Variants in STARD13 observed in about 807,000 individuals in gnomAD.
STARD13 encodes stAR-related lipid transfer protein 13.
STARD13 carries 62 observed loss-of-function variants against 106.4 expected under a neutral mutation model. The ratio of observed to expected loss-of-function variants is 0.58; its 90% CI spans 0.48 to 0.72. The LOEUF is 0.72. Among genes scored for constraint, STARD13 ranks in the 30% least tolerant of loss-of-function variants. STARD13 has a pLI of 0.00. For synonymous variants in STARD13, 565 were observed against 553.0 expected (o/e 1.02, Z -0.31); for missense variants, 1,387 against 1,424.0 (o/e 0.97, Z 0.42).
At chr13:33,295,106 T>C (rs919722530) in intron 1 of STARD13, among the ~76,000 whole-genome samples, 1 of 152,186 alleles carries the variant, frequency 6.6e-6, no homozygotes, top group Non-Finnish European at 1.5e-5. Flanking sequence ...GCAATTGCAT[T>C]TCTTAGATAT....
chr13:33,430,146 T>A, the STARD13 span, among the ~76,000 whole-genome samples: 1 of 152,204 alleles, frequency 6.6e-6, no homozygotes, highest in Non-Finnish European at 1.5e-5. Flanking sequence ...CTCGATCTCC[T>A]GACCTAGTGA....
At chr13:33,334,301 A>G (rs1219204188) in intron 1 of STARD13, among the ~76,000 whole-genome samples, 1 of 152,206 alleles carries the variant, frequency 6.6e-6, no homozygotes, top group Admixed American at 6.5e-5. Flanking sequence ...CTATTCTACT[A>G]CAAAAGAAAT....
intron 1 of STARD13, among the ~76,000 whole-genome samples, chr13:33,254,595 C>T (rs1239078678): frequency 1.3e-5 from 2 of 152,162 alleles, no homozygotes; most frequent in Non-Finnish European, 2.9e-5. Flanking sequence ...GTCCTTTTGG[C>T]CTGCCATGCC....
At chr13:33,106,207 G>A (rs1039171863) in intron 13 of STARD13, among the ~76,000 whole-genome samples, 1 of 152,160 alleles carries the variant, frequency 6.6e-6, no homozygotes, top group Non-Finnish European at 1.5e-5. Flanking sequence ...ATCACCTGAG[G>A]TTGGGAGATT....
the STARD13 span, among the ~76,000 whole-genome samples, chr13:33,549,087 C>T: frequency 8.9e-4 from 136 of 152,106 alleles, 1 homozygote; most frequent in East Asian, 0.02. Context: ...AAATGTTTGT[C>T]CTTAGCATGT....
the STARD13 span, among the ~76,000 whole-genome samples, chr13:33,499,529 TTCTTCTTC>T: frequency 7.4e-4 from 38 of 51,510 alleles, no homozygotes; most frequent in African/African-American, 1.9e-3. Flanking sequence ...TTTCTTCTTC[TTCTTCTTC>T]TTCTTCTTCT....
the STARD13 span, among the ~76,000 whole-genome samples, chr13:33,437,525 G>T: frequency 2.0e-5 from 3 of 152,182 alleles, no homozygotes; most frequent in Admixed American, 6.5e-5. Flanking sequence ...AAGAAGCAAT[G>T]ATGGAAAGCC....
the STARD13 span, among the ~76,000 whole-genome samples, chr13:33,650,552 A>C: frequency 1.3e-5 from 2 of 152,236 alleles, no homozygotes; most frequent in East Asian, 3.9e-4. Context: ...TAACTTAGAG[A>C]GATCTGAGAA....
chr13:33,113,774 AG>A (rs1874965182), intron 8 of STARD13, among the ~76,000 whole-genome samples: 1 of 152,194 alleles, frequency 6.6e-6, no homozygotes, highest in Non-Finnish European at 1.5e-5. Context: ...CAGGCTTACC[AG>A]GGAATTGGTT....
intron 1 of STARD13, among the ~76,000 whole-genome samples, chr13:33,278,013 T>C (rs776668174): frequency 1.4e-4 from 22 of 152,184 alleles, no homozygotes; most frequent in Non-Finnish European, 2.8e-4. Flanking sequence ...GCCAAATCTA[T>C]GCAAGAAGTA....
the STARD13 span, among the ~76,000 whole-genome samples, chr13:33,435,581 TA>T: frequency 3.3e-5 from 5 of 152,156 alleles, no homozygotes; most frequent in Non-Finnish European, 4.4e-5. Context: ...TATATAGCCA[TA>T]GGAAATCACA....
At chr13:33,151,947 T>C (rs189525122) in intron 3 of STARD13, among the ~76,000 whole-genome samples, 24 of 152,290 alleles carry the variant, frequency 1.6e-4, no homozygotes, top group African/African-American at 5.8e-4. Context: ...TTTCAGACTT[T>C]GCTGAACATG....
intron 1 of STARD13, among the ~76,000 whole-genome samples, chr13:33,248,026 T>C (rs1365099744): frequency 6.6e-6 from 1 of 152,242 alleles, no homozygotes; most frequent in South Asian, 2.1e-4. Context: ...AAAATATTAA[T>C]TTTGAATAAA....
chr13:33,246,429 T>G (rs1889826255), intron 1 of STARD13, among the ~76,000 whole-genome samples: 1 of 152,250 alleles, frequency 6.6e-6, no homozygotes, highest in South Asian at 2.1e-4. Context: ...TAAGTCTGTA[T>G]GTCTAGGAAC....
the STARD13 span, among the ~76,000 whole-genome samples, chr13:33,502,376 T>A: frequency 6.6e-6 from 1 of 152,324 alleles, no homozygotes; most frequent in South Asian, 2.1e-4. Flanking sequence ...TACCATTTAT[T>A]TCTTTCTTCT....
the STARD13 span, among the ~76,000 whole-genome samples, chr13:33,612,928 G>T: frequency 6.6e-6 from 1 of 152,188 alleles, no homozygotes; most frequent in African/African-American, 2.4e-5. Flanking sequence ...GTTGCCTAAA[G>T]GCTCGTCTTC....
chr13:33,650,529 C>G, the STARD13 span, among the ~76,000 whole-genome samples: 4 of 150,408 alleles, frequency 2.7e-5, no homozygotes, highest in South Asian at 4.1e-4. Context: ...AAGTCATAAG[C>G]CTTTTGGCGC....
At chr13:33,188,619 A>G (rs531285766) in intron 1 of STARD13, among the ~76,000 whole-genome samples, 1 of 152,366 alleles carries the variant, frequency 6.6e-6, no homozygotes, top group South Asian at 2.1e-4. Flanking sequence ...TAAGATAGTG[A>G]AACAGCTTCT....
chr13:33,415,182 C>A, the STARD13 span, among the ~76,000 whole-genome samples: 1 of 152,138 alleles, frequency 6.6e-6, no homozygotes, highest in Non-Finnish European at 1.5e-5. Flanking sequence ...TCCTGGCTAA[C>A]ACGGTGAAAC....
Sources: allele counts gnomAD v4.1 joint callset (sites outside exome capture counted in the v4.1 genomes callset), GRCh38; gene constraint gnomAD v4.1.1; transcripts MANE v1.5; gene names NCBI Gene and HGNC (gene_info 2026-07-23, HGNC 2026-07-21).